The following PRKCA variants were observed in gnomAD, a reference collection of about 807,000 sequenced individuals.
PRKCA encodes the protein protein kinase C alpha type.
Under a neutral mutation model 87.0 loss-of-function variants are expected in PRKCA, and 27 were observed. That is an observed-to-expected ratio of 0.31 (90% CI 0.23 to 0.43). The LOEUF is 0.43. PRKCA is among the 20% of genes least tolerant of loss of function. The pLI, the probability that PRKCA is intolerant of heterozygous loss-of-function variation, is 1.00. For synonymous variants in PRKCA, 329 were observed against 311.1 expected (o/e 1.06, Z -0.61); for missense variants, 518 against 852.3 (o/e 0.61, Z 4.88).
chr17:66,691,514 T>G (rs1972784784), intron 8 of PRKCA, among the ~76,000 whole-genome samples: 1 of 152,196 alleles, frequency 6.6e-6, no homozygotes. Context: ...CTTGCTTCAT[T>G]ATCTGTTTCC....
At chr17:66,718,841 T>A (rs1973540697) in intron 8 of PRKCA, among the ~76,000 whole-genome samples, 1 of 152,172 alleles carries the variant, frequency 6.6e-6, no homozygotes, top group African/African-American at 2.4e-5. Flanking sequence ...CATCTGAACA[T>A]AAAACACATA....
intron 2 of PRKCA, among the ~76,000 whole-genome samples, chr17:66,407,532 C>T (rs879818594): frequency 6.6e-6 from 1 of 152,096 alleles, no homozygotes; most frequent in Non-Finnish European, 1.5e-5. Flanking sequence ...TTATAAATTA[C>T]CTAGTCACAG....
At chr17:66,360,858 A>G (rs1235436001) in intron 2 of PRKCA, among the ~76,000 whole-genome samples, 1 of 152,198 alleles carries the variant, frequency 6.6e-6, no homozygotes, top group Non-Finnish European at 1.5e-5. Flanking sequence ...GAAGTCTCGA[A>G]GTGAAGAGGG....
chr17:66,783,188 T>C (rs1975283212), intron 14 of PRKCA, among the ~76,000 whole-genome samples: 1 of 152,204 alleles, frequency 6.6e-6, no homozygotes, highest in African/African-American at 2.4e-5. Context: ...TGTGGCTTTG[T>C]TACAGCTTGG....
chr17:66,622,871 G>C (rs138857348), intron 3 of PRKCA, among the ~76,000 whole-genome samples: 80 of 152,364 alleles, frequency 5.3e-4, no homozygotes, highest in African/African-American at 1.9e-3. Context: ...CCGCCCCCAT[G>C]ATTCAATCAT....
intron 2 of PRKCA, among the ~76,000 whole-genome samples, chr17:66,478,023 GT>G (rs1223384933): frequency 6.6e-6 from 1 of 152,204 alleles, no homozygotes; most frequent in Non-Finnish European, 1.5e-5. Context: ...TTTTGCCAAG[GT>G]TAAGGACGTG....
intron 13 of PRKCA, among the ~76,000 whole-genome samples, chr17:66,743,853 A>G (rs11651897): frequency 0.013 from 1,922 of 152,344 alleles, 24 homozygotes; most frequent in Middle Eastern, 0.02. Flanking sequence ...AAAGGCACCC[A>G]CAAGCTCAGA....
intron 14 of PRKCA, among the ~76,000 whole-genome samples, chr17:66,780,547 A>G (rs1455524170): frequency 6.6e-6 from 1 of 151,888 alleles, no homozygotes; most frequent in Admixed American, 6.6e-5. Context: ...GTGGTGGTGC[A>G]CACCTGTAAT....
rs566283100 is a variant in PRKCA, at chr17:66,710,854, A to AC, written c.918+21811dup. Among the ~76,000 whole-genome samples the AC allele has an allele frequency of 1.1e-4, 16 of 150,486 alleles. No homozygotes were observed. The East Asian group carries it at 3.1e-3, about 29-fold the overall frequency. ...AGACCAGCCTGCCCAACATGGTGAA[A>AC]CCCCGTCTCTACCAAAAAACAAAAA... On this transcript the variant is annotated intron_variant, in intron 8 of 16. Coordinates refer to ENST00000413366, the MANE Select transcript of PRKCA (RefSeq NM_002737.3).
chr17:66,305,984 G>A (rs1388162294), intron 1 of PRKCA, 112 bp from the exon 2 acceptor site: 2 of 933,880 alleles, frequency 2.1e-6, no homozygotes, highest in Non-Finnish European at 3.4e-6. Context: ...TAAATCATTG[G>A]GTTTCACATA....
intron 3 of PRKCA, among the ~76,000 whole-genome samples, chr17:66,640,210 G>A (rs1452432166): frequency 6.6e-6 from 1 of 152,154 alleles, no homozygotes; most frequent in Non-Finnish European, 1.5e-5. Context: ...GAAAGGATAA[G>A]TAATTCGTCC....
chr17:66,382,617 A>T (rs1028686112), intron 2 of PRKCA, among the ~76,000 whole-genome samples: 3 of 152,128 alleles, frequency 2.0e-5, no homozygotes, highest in Non-Finnish European at 4.4e-5. Context: ...TTTTATTTTT[A>T]TAAAAATATG....
chr17:66,623,120 A>G (rs1970738559), intron 3 of PRKCA, among the ~76,000 whole-genome samples: 1 of 152,238 alleles, frequency 6.6e-6, no homozygotes, highest in South Asian at 2.1e-4. Context: ...AAAGAAGTTG[A>G]ATTGCTCCTT....
At chr17:66,350,139 T>C (rs1456888521) in intron 2 of PRKCA, among the ~76,000 whole-genome samples, 2 of 152,172 alleles carry the variant, frequency 1.3e-5, no homozygotes, top group Admixed American at 6.5e-5. Flanking sequence ...TGGTTACAAA[T>C]GAGGGGATAA....
At chr17:66,767,197 A>G (rs994594057) in intron 13 of PRKCA, among the ~76,000 whole-genome samples, 1 of 152,170 alleles carries the variant, frequency 6.6e-6, no homozygotes, top group Non-Finnish European at 1.5e-5. Context: ...CTCACTTAAC[A>G]TTATCGATAG....
intron 2 of PRKCA, among the ~76,000 whole-genome samples, chr17:66,471,885 G>A (rs1372607754): frequency 6.6e-6 from 1 of 152,154 alleles, no homozygotes; most frequent in African/African-American, 2.4e-5. Flanking sequence ...GTGGGGCCGG[G>A]CAAATGCATA....
At chr17:66,427,921 C>T (rs181412216) in intron 2 of PRKCA, among the ~76,000 whole-genome samples, 6 of 152,288 alleles carry the variant, frequency 3.9e-5, no homozygotes, top group African/African-American at 9.6e-5. Flanking sequence ...TTGCTCCAAA[C>T]GAGGACAAAG....
intron 2 of PRKCA, among the ~76,000 whole-genome samples, chr17:66,396,582 T>C (rs984639177): frequency 2.0e-5 from 3 of 151,922 alleles, no homozygotes; most frequent in African/African-American, 7.2e-5. Context: ...AGCTTTTAAA[T>C]GGCTGTGTAA....
At chr17:66,605,495 T>C (rs1220565336) in intron 3 of PRKCA, among the ~76,000 whole-genome samples, 1 of 152,250 alleles carries the variant, frequency 6.6e-6, no homozygotes, top group Non-Finnish European at 1.5e-5. Context: ...GAAAACCTTG[T>C]AACTTCTGGA....
Sources: allele counts gnomAD v4.1 joint callset (sites outside exome capture counted in the v4.1 genomes callset), GRCh38; gene constraint gnomAD v4.1.1; transcripts MANE v1.5; gene names NCBI Gene and HGNC (gene_info 2026-07-23, HGNC 2026-07-21).